GPHN: variants seen among roughly 807,000 people sequenced by gnomAD.
GPHN encodes gephyrin.
Under a neutral mutation model 95.5 loss-of-function variants are expected in GPHN, and 17 were observed. The ratio of observed to expected loss-of-function variants is 0.18; its 90% CI spans 0.12 to 0.27. The LOEUF is 0.27. Ranked by LOEUF, GPHN falls within the 10% of genes least tolerant of loss-of-function variation. The pLI, the probability that GPHN is intolerant of heterozygous loss-of-function variation, is 1.00. For synonymous variants in GPHN, 320 were observed against 322.5 expected (o/e 0.99, Z 0.08); for missense variants, 660 against 978.1 (o/e 0.67, Z 4.34).
chr14:67,615,843 C>T, the GPHN span: 1 of 620,798 alleles, frequency 1.6e-6, no homozygotes. Flanking sequence ...TCTGGCCTGT[C>T]CATTGGTGAT....
intron 1 of GPHN, among the ~76,000 whole-genome samples, chr14:66,585,826 G>T (rs1277182392): frequency 1.3e-5 from 2 of 152,182 alleles, no homozygotes; most frequent in African/African-American, 2.4e-5. Flanking sequence ...GTCAATTTTG[G>T]AATAGGTGTG....
the GPHN span, chr14:67,473,974 C>G: frequency 5.2e-6 from 8 of 1,535,482 alleles, no homozygotes; most frequent in Non-Finnish European, 6.1e-6. This position sits in a 1 kb window ranked among gnomAD's most constrained non-coding sequence, Gnocchi z 6.5. Context: ...AGGTGAGGGC[C>G]GGGCGCGGTG....
At chr14:66,595,678 G>A (rs975696978) in intron 1 of GPHN, among the ~76,000 whole-genome samples, 1 of 152,142 alleles carries the variant, frequency 6.6e-6, no homozygotes, top group African/African-American at 2.4e-5. Context: ...GGTAGGCAGT[G>A]GTGCCTGGAA....
At chr14:66,775,891 G>A (rs2059363356) in intron 2 of GPHN, among the ~76,000 whole-genome samples, 1 of 152,076 alleles carries the variant, frequency 6.6e-6, no homozygotes, top group South Asian at 2.1e-4. Flanking sequence ...GGACAGTGCT[G>A]GGCACACACG....
chr14:67,003,947 G>T (rs550411267), intron 9 of GPHN, among the ~76,000 whole-genome samples: 1 of 72,560 alleles, frequency 1.4e-5, no homozygotes, highest in South Asian at 4.3e-4. Flanking sequence ...GGTCTGTGTC[G>T]ATTTAATCAG....
At chr14:67,434,121 T>C in the GPHN span, among the ~76,000 whole-genome samples, 1 of 152,234 alleles carries the variant, frequency 6.6e-6, no homozygotes. Context: ...TCCTGCTCCT[T>C]TTTGATAAGT....
intron 10 of GPHN, among the ~76,000 whole-genome samples, chr14:67,040,798 T>C (rs1045552248): frequency 1.3e-5 from 2 of 152,200 alleles, no homozygotes; most frequent in Admixed American, 6.5e-5. Context: ...TGATGTTGTA[T>C]CTTTCTCAGT....
chr14:67,562,975 G>T, the GPHN span: 1 of 1,421,066 alleles, frequency 7.0e-7, no homozygotes, highest in Non-Finnish European at 9.4e-7. Context: ...CATGCACTGA[G>T]CAGGAGAGGA....
At chr14:67,049,947 A>T (rs2075232309) in intron 10 of GPHN, among the ~76,000 whole-genome samples, 1 of 152,194 alleles carries the variant, frequency 6.6e-6, no homozygotes, top group Non-Finnish European at 1.5e-5. Flanking sequence ...ACATGCATGC[A>T]CACACAACCC....
At chr14:66,536,216 G>T (rs949809373) in intron 1 of GPHN, among the ~76,000 whole-genome samples, 8 of 152,148 alleles carry the variant, frequency 5.3e-5, no homozygotes, top group African/African-American at 1.9e-4. Flanking sequence ...CTCCCAAAGT[G>T]CTGGGATTAC....
At chr14:66,733,974 A>G (rs1009948088) in intron 2 of GPHN, among the ~76,000 whole-genome samples, 1 of 152,160 alleles carries the variant, frequency 6.6e-6, no homozygotes, top group African/African-American at 2.4e-5. Context: ...GTCCATTACC[A>G]AATCCCATTA....
chr14:67,105,143 T>G (rs766217307), intron 13 of GPHN, among the ~76,000 whole-genome samples: 6 of 152,156 alleles, frequency 3.9e-5, no homozygotes, highest in Non-Finnish European at 8.8e-5. Flanking sequence ...TTTGTACAAT[T>G]TTGAATGTTC....
chr14:67,514,546 G>A, the GPHN span, among the ~76,000 whole-genome samples: 3 of 152,086 alleles, frequency 2.0e-5, no homozygotes, highest in Non-Finnish European at 4.4e-5. Context: ...GCACCCTGGG[G>A]AGAAGGCGGC....
At chr14:66,616,715 T>C (rs950007644) in intron 1 of GPHN, among the ~76,000 whole-genome samples, 5 of 146,902 alleles carry the variant, frequency 3.4e-5, no homozygotes, top group African/African-American at 1.0e-4. Flanking sequence ...ACAGGACCCC[T>C]TTTTTTTTTA....
intron 1 of GPHN, among the ~76,000 whole-genome samples, chr14:66,567,338 A>G (rs941668524): frequency 6.6e-6 from 1 of 152,174 alleles, no homozygotes; most frequent in African/African-American, 2.4e-5. Context: ...TAGGCCCTAC[A>G]AGTAGATAAG....
intron 8 of GPHN, among the ~76,000 whole-genome samples, chr14:66,932,455 T>G (rs1054953965): frequency 0.01 from 1,160 of 112,288 alleles, 30 homozygotes; most frequent in Non-Finnish European, 0.013. Flanking sequence ...TTTTTTTTTT[T>G]TTTTTTTTTT....
chr14:66,895,398 A>T (rs1028995862), intron 5 of GPHN, among the ~76,000 whole-genome samples: 1 of 152,160 alleles, frequency 6.6e-6, no homozygotes, highest in Admixed American at 6.5e-5. Context: ...TAGGAGATAT[A>T]CCTAATGTAA....
At chr14:66,669,050 C>T (rs928052318) in intron 1 of GPHN, among the ~76,000 whole-genome samples, 53 of 151,696 alleles carry the variant, frequency 3.5e-4, no homozygotes, top group East Asian at 9.9e-4. Context: ...TTAGCTAGGC[C>T]GGTCCTTTCC....
the GPHN span, chr14:67,586,817 C>T: frequency 1.4e-6 from 2 of 1,455,070 alleles, no homozygotes; most frequent in East Asian, 3.0e-5. Flanking sequence ...TAGAGCTAAC[C>T]AGAGCAGAAC....
Sources: gnomAD v4.1 joint callset for allele counts (sites outside exome capture counted in the v4.1 genomes callset) on GRCh38, gnomAD v4.1.1 for gene constraint, Gnocchi (gnomAD v3.1) non-coding constraint, MANE v1.5 for transcripts, NCBI Gene and HGNC (gene_info 2026-07-23, HGNC 2026-07-21) for gene names.